Variants in CEP295NL observed in about 807,000 individuals in gnomAD.
CEP295NL encodes the protein CEP295 N-terminal like.
A neutral mutation model predicts 4.6 loss-of-function variants in CEP295NL; 3 were observed. The ratio of observed to expected loss-of-function variants is 0.65; its 90% confidence interval spans 0.30 to 1.69. CEP295NL has a LOEUF of 1.69. CEP295NL is among the 40% of genes most tolerant of loss of function. CEP295NL has a pLI of 0.10. For synonymous variants in CEP295NL, 295 were observed against 312.2 expected (o/e 0.94, Z 0.58); for missense variants, 719 against 769.0 (o/e 0.93, Z 0.77).
chr17:78,894,532 G>T (rs777504538), intron 2 of CEP295NL, among the ~76,000 whole-genome samples: 1 of 152,072 alleles, frequency 6.6e-6, no homozygotes, highest in Admixed American at 6.6e-5. Flanking sequence ...AAGGTGCCAC[G>T]GCAATTTAAT....
In CEP295NL at chr17:78,890,761, G is replaced by GT; in HGVS notation, c.1742dup (p.Asp581GlufsTer28). On this transcript the variant is annotated frameshift_variant, in exon 3 of 3. Coordinates refer to ENST00000322630, the MANE Select transcript of CEP295NL (RefSeq NM_001243540.2). LOFTEE classifies it high-confidence loss of function. The stretch of plus-strand genomic sequence containing the variant: ...GGATCATCTGACTGTGCCGGTCGTC[G>GT]TCGGCGAGGCTGGTGCCCGATGGGG... 1 of 1,550,640 alleles carries GT rather than the reference G, an allele frequency of 6.4e-7. No homozygotes were observed. The highest frequency in any genetic ancestry group is 8.7e-7 in the Non-Finnish European group (1 of 1,147,010).
rs2069916965 is a variant in CEP295NL at position 78,892,465 on chromosome 17, A to T, written c.45-6T>A. ...CACAACGTTCCACAGCAAACCTACG[A>T]GGAAGGGAGCACAAGTGCAGCTTTC... On this transcript the variant is annotated splice_polypyrimidine_tract_variant and splice_region_variant and intron_variant, in intron 2 of 2. Transcript: ENST00000322630. The T allele has an allele frequency of 6.5e-7, 1 of 1,544,282 alleles. No individual in the cohort carries two copies. Among genetic ancestry groups the T allele is most frequent in the Non-Finnish European group, 8.7e-7 (1 of 1,143,524 alleles).
At chr17:78,893,160 G>GGT (rs545430208) in intron 2 of CEP295NL, among the ~76,000 whole-genome samples, 280 of 144,326 alleles carry the variant, frequency 1.9e-3, no homozygotes, top group South Asian at 0.015. Flanking sequence ...TGTGTGCAGG[G>GGT]GTGTGTGTGC....
At position 78,891,871 on chromosome 17, in the gene CEP295NL, A is replaced by G; in HGVS notation, c.633T>C (p.Gly211=). ...GCGGGGCCAGGTGAGAATTCATCCG[A>G]CCCGTGGCTTTTGTAGTCTGTGGTT... ...PEKPQTTKAT[G]RMNSHLAPPE... The change falls in exon 3 of 3, where the codon GGT becomes GGC. Residue 211 remains glycine, a synonymous_variant. Transcript: ENST00000322630. This position sits in a 1 kb window ranked among gnomAD's most constrained non-coding sequence, Gnocchi z 4.5. 6.5e-7 allele frequency: 1 copy of G among 1,550,260 alleles called. No individual in the cohort carries two copies. Among genetic ancestry groups the G allele is most frequent in the Non-Finnish European group, 8.7e-7 (1 of 1,146,912 alleles).
chr17:78,900,520 AGGC>A (rs2070074160), intron 2 of CEP295NL, among the ~76,000 whole-genome samples: 2 of 149,522 alleles, frequency 1.3e-5, no homozygotes, highest in African/African-American at 5.0e-5. Flanking sequence ...ACTCTAGCCT[AGGC>A]AACAGAGCAA....
intron 2 of CEP295NL, chr17:78,898,630 A>G (rs1658906975): frequency 6.6e-6 from 1 of 152,168 alleles, no homozygotes; most frequent in Admixed American, 6.5e-5. Flanking sequence ...TGATTTGTCA[A>G]CATGCACAGA....
chr17:78,891,417 G>T lies in CEP295NL; in HGVS notation c.1087C>A (p.Leu363Met). The T allele has an allele frequency of 6.4e-7, 1 of 1,550,778 alleles. No individual in the cohort carries two copies. Among genetic ancestry groups the T allele is most frequent in the East Asian group, 2.4e-5 (1 of 40,924 alleles). ...RKLKKHLCLY[L>M]ALKPRMDQRP... Reference sequence around the variant, plus strand: ...TGGTCCATCCTGGGCTTCAGTGCCAGGTACAAGCACAGGTGTTTTTTCAGC... The same window carrying T: ...TGGTCCATCCTGGGCTTCAGTGCCATGTACAAGCACAGGTGTTTTTTCAGC... The change falls in exon 3 of 3, where the codon CTG (leucine) becomes ATG (methionine). Residue 363 changes from leucine (L) to methionine (M), a missense_variant. Physicochemically the swap from Leu to Met is conservative, Grantham distance 15. Transcript: ENST00000322630. The surrounding 1 kb of genome is among the most constrained non-coding windows in gnomAD (Gnocchi z 4.5).
chr17:78,892,082 C>G lies in CEP295NL; in HGVS notation c.422G>C (p.Gly141Ala). 6.4e-7 allele frequency: 1 copy of G among 1,551,912 alleles called. No individual in the cohort carries two copies. Among genetic ancestry groups the G allele is most frequent in the South Asian group, 1.2e-5 (1 of 84,118 alleles). The part of the protein sequence containing the change: ...RLQSARLLGW[G>A]GGRARENEPD... ...CTCATTTTCCCTGGCCCGTCCTCCTCCCCAGCCCAACAGACGTGCTGACTG... is the reference window on the plus strand; with the variant it reads ...CTCATTTTCCCTGGCCCGTCCTCCTGCCCAGCCCAACAGACGTGCTGACTG... Residue 141 changes from glycine (G) to alanine (A), a missense_variant, in exon 3 of 3, where the codon GGA (glycine) becomes GCA (alanine). Transcript: ENST00000322630.
chr17:78,892,962 G>A (rs1033997544), intron 2 of CEP295NL, among the ~76,000 whole-genome samples: 3 of 152,162 alleles, frequency 2.0e-5, no homozygotes, highest in Admixed American at 6.5e-5. Flanking sequence ...GAGAAGAGCA[G>A]GTGGAAGTAA....
At position 78,891,018 on chromosome 17, in the gene CEP295NL, CTCTG is replaced by C; in HGVS notation, c.1482_1485del (p.Asp494GlufsTer34). 1 of 1,551,228 alleles carries C rather than the reference CTCTG, an allele frequency of 6.4e-7. No homozygotes were observed. The highest frequency in any genetic ancestry group is 8.7e-7 in the Non-Finnish European group (1 of 1,147,144). On this transcript the variant is annotated frameshift_variant, in exon 3 of 3. Coordinates refer to ENST00000322630, the MANE Select transcript of CEP295NL (RefSeq NM_001243540.2). LOFTEE classifies it low-confidence loss of function (END_TRUNC). This position sits in a 1 kb window ranked among gnomAD's most constrained non-coding sequence, Gnocchi z 4.5. ...CTTTGCCTGGATGCCGTCGAGCCCA[CTCTG>C]TCTGCCTGGTCTTGAAGGTGGAGCT...
intron 1 of CEP295NL, among the ~76,000 whole-genome samples, chr17:78,902,157 A>G (rs2070104064): frequency 6.6e-6 from 1 of 152,108 alleles, no homozygotes; most frequent in African/African-American, 2.4e-5. Context: ...CCCAGGCTGG[A>G]GTGCAGTGGT....
At chr17:78,901,985 T>C (rs1301817823) in intron 1 of CEP295NL, 59 bp from the exon 2 acceptor site, 2 of 590,246 alleles carry the variant, frequency 3.4e-6, no homozygotes, top group East Asian at 2.9e-5. Flanking sequence ...TTTAACTCCG[T>C]TTCTCTGAGT....
rs773913971 is a variant in CEP295NL, at chr17:78,891,905, C to T, written c.599G>A (p.Ser200Asn). 5.2e-6 allele frequency: 8 copies of T among 1,550,470 alleles called. No individual in the cohort carries two copies. The East Asian group carries it at 1.5e-4, about 28-fold the overall frequency. Residue 200 changes from serine (S) to asparagine (N), a missense_variant, in exon 3 of 3, where the codon AGT becomes AAT. Ser to Asn is a conservative substitution (Grantham distance 46). Coordinates refer to ENST00000322630, the MANE Select transcript of CEP295NL (RefSeq NM_001243540.2). The surrounding 1 kb of genome is among the most constrained non-coding windows in gnomAD (Gnocchi z 4.5). ...RHSRPRKTAA[S>N]PEKPQTTKAT... ...TTTTGTAGTCTGTGGTTTCTCTGGA[C>T]TCGCTGCTGTCTTCCGGGGCCTGGA...
chr17:78,899,858 C>T (rs985731112), intron 2 of CEP295NL: 1 of 152,228 alleles, frequency 6.6e-6, no homozygotes, highest in African/African-American at 2.4e-5. Context: ...TCTCCAGAAG[C>T]CCAGCACCCG....
chr17:78,900,200 T>C lies in CEP295NL; in HGVS notation c.44+1585A>G, dbSNP rs183996945. 3 of 152,224 alleles carry C rather than the reference T, an allele frequency of 2.0e-5. No individual in the cohort carries two copies. In the South Asian group the frequency reaches 6.2e-4, roughly 32 times the overall value. 9.4% of individuals were successfully genotyped at this position (152,224 alleles called of 1,614,324 possible). A position where few individuals can be genotyped will look rare whatever the true frequency, so the allele number is the denominator to read the frequency against. On this transcript the variant is annotated intron_variant, in intron 2 of 2. Coordinates refer to ENST00000322630, the MANE Select transcript of CEP295NL (RefSeq NM_001243540.2). Reference sequence around the variant, plus strand: ...TTTTTAGAGCTTCCTGTGTCCTCCCTTCCCTGGTCATAACTGTCTGACAGC... The same window carrying C: ...TTTTTAGAGCTTCCTGTGTCCTCCCCTCCCTGGTCATAACTGTCTGACAGC...
At position 78,899,317 on chromosome 17, in the gene CEP295NL, C is replaced by G. The variant is rs1173689612; in HGVS notation, c.44+2468G>C. On this transcript the variant is annotated intron_variant, in intron 2 of 2. Transcript: ENST00000322630. ...CCCCCAGGCCTGCACCCCGTCCTCTCCCGCACTGCAGCCCAGCGCTGTCTA... is the reference window on the plus strand; with the variant it reads ...CCCCCAGGCCTGCACCCCGTCCTCTGCCGCACTGCAGCCCAGCGCTGTCTA... 3 of 153,008 alleles carry G rather than the reference C, an allele frequency of 2.0e-5. No individual in the cohort carries two copies. The Admixed American group carries it at 2.0e-4, about 10-fold the overall frequency. 9.5% of individuals were successfully genotyped at this position (153,008 alleles called of 1,614,324 possible).
rs553632466 is a variant in CEP295NL at position 78,900,810 on chromosome 17, C to A, written c.44+975G>T. Among the ~76,000 whole-genome samples the A allele has an allele frequency of 1.3e-3, 191 of 152,274 alleles. 2 individuals are homozygous for A. The highest frequency in any genetic ancestry group is 4.3e-3 in the African/African-American group (178 of 41,560). On this transcript the variant is annotated intron_variant, in intron 2 of 2. Transcript: ENST00000322630. ...CACATCTAAAACTTATATGTGGGTC[C>A]CTAAATCCAACTATGCAAGTACAGA...
chr17:78,891,520 C>T lies in CEP295NL; in HGVS notation c.984G>A (p.Gln328=). 3.2e-6 allele frequency: 5 copies of T among 1,551,168 alleles called. No homozygotes were observed. Among genetic ancestry groups the T allele is most frequent in the Middle Eastern group, 1.7e-4 (1 of 5,998 alleles). The change falls in exon 3 of 3, where the codon CAG becomes CAA. Residue 328 remains glutamine, a synonymous_variant. Coordinates refer to ENST00000322630, the MANE Select transcript of CEP295NL (RefSeq NM_001243540.2). This position sits in a 1 kb window ranked among gnomAD's most constrained non-coding sequence, Gnocchi z 4.5. ...CRREAVSPAS[Q]CTLREKNKWQ... ...ACTTGTTCTTCTCCCGGAGCGTGCA[C>T]TGAGATGCTGGGGACACGGCTTCCC...
chr17:78,899,643 T>C (rs969391211), intron 2 of CEP295NL: 1 of 152,260 alleles, frequency 6.6e-6, no homozygotes, highest in Non-Finnish European at 1.5e-5. Flanking sequence ...CCTGGAACGC[T>C]GCACACCAGA....
Sources: gnomAD v4.1 joint callset for allele counts (sites outside exome capture counted in the v4.1 genomes callset) on GRCh38, gnomAD v4.1.1 for gene constraint, Gnocchi (gnomAD v3.1) non-coding constraint, MANE v1.5 for transcripts, NCBI Gene and HGNC (gene_info 2026-07-23, HGNC 2026-07-21) for gene names.